The following CFB variants were observed in gnomAD, a reference collection of about 807,000 sequenced individuals.
CFB encodes the protein complement factor B, also known as B-factor, properdin.
In CFB, 59 loss-of-function variants were observed where a neutral mutation model predicts 97.2. The observed-to-expected ratio is 0.61, with a 90% CI of 0.49 to 0.75. The LOEUF is 0.75. Among genes scored for constraint, CFB ranks in the 30% least tolerant of loss-of-function variants. The pLI, the probability that CFB is intolerant of heterozygous loss-of-function variation, is 0.00. For missense variants in CFB, 771 were observed against 959.8 expected, an observed-to-expected ratio of 0.80 and a Z score of 2.60; for synonymous variants, 316 against 351.7, an observed-to-expected ratio of 0.90 and a Z score of 1.14.
In CFB at chr6:31,948,898, C is replaced by A. The variant is rs141298291; in HGVS notation, c.1105C>A (p.Pro369Thr). 1.9e-6 allele frequency: 3 copies of A among 1,612,916 alleles called. No homozygotes were observed. The highest frequency in any genetic ancestry group is 2.5e-6 in the Non-Finnish European group (3 of 1,180,006). ...LQAVYSMMSW[P>T]DDVPPEGWNR... ...GGCAGTGTACAGCATGATGAGCTGG[C>A]CAGATGACGTCCCTCCTGAAGGCTG... is the stretch of plus-strand genomic sequence containing the variant. The change falls in exon 8 of 18, where the codon CCA becomes ACA. Residue 369 changes from proline to threonine, a missense_variant. By Grantham distance (38) the Pro-to-Thr change is conservative. Coordinates refer to ENST00000425368, the MANE Select transcript of CFB (RefSeq NM_001710.6).
At position 31,947,272 on chromosome 6, in the gene CFB, C is replaced by G; in HGVS notation, c.485-76C>G. 1 of 1,611,272 alleles carries G rather than the reference C, an allele frequency of 6.2e-7. No homozygotes were observed. Among genetic ancestry groups the G allele is most frequent in the Admixed American group, 1.7e-5 (1 of 60,018 alleles). On this transcript the variant is annotated intron_variant, in intron 3 of 17. Coordinates refer to ENST00000425368, the MANE Select transcript of CFB (RefSeq NM_001710.6). The surrounding 1 kb of genome is among the most constrained non-coding windows in gnomAD (Gnocchi z 5.3). ...AGGAGTGGGCACTCGGCTCCGGACA[C>G]TGTAACTCTTGCTCTCTACCTTGCT...
At chr6:31,948,584 T>G in intron 7 of CFB, 72 bp downstream of exon 7, 2 of 1,600,566 alleles carry the variant, frequency 1.2e-6, no homozygotes, top group African/African-American at 2.7e-5. Context: ...GTCATGAGAC[T>G]ACCTTGAGGG....
In CFB at chr6:31,950,720, G is replaced by C; in HGVS notation, c.1726G>C (p.Asp576His). The C allele has an allele frequency of 6.2e-7, 1 of 1,613,056 alleles. No homozygotes were observed. Among genetic ancestry groups the C allele is most frequent in the Non-Finnish European group, 8.5e-7 (1 of 1,180,034 alleles). ...EAGIPEFYDYDVALIKLKNKL... is the reference protein window; with the variant it reads ...EAGIPEFYDYHVALIKLKNKL... ...AGGAATTCCTGAATTTTATGACTATGACGTTGCCCTGATCAAGCTCAAGAA... is the reference window on the plus strand; with the variant it reads ...AGGAATTCCTGAATTTTATGACTATCACGTTGCCCTGATCAAGCTCAAGAA... Residue 576 changes from aspartate (D) to histidine (H), a missense_variant, in exon 13 of 18, where the codon GAC (aspartate) becomes CAC (histidine). Transcript: ENST00000425368.
chr6:31,951,741 G>C lies in CFB; in HGVS notation c.2140-134G>C. On this transcript the variant is annotated intron_variant, in intron 17 of 17. Coordinates refer to ENST00000425368, the MANE Select transcript of CFB (RefSeq NM_001710.6). The surrounding 1 kb of genome is among the most constrained non-coding windows in gnomAD (Gnocchi z 4.3). ...CCTTAGGACCGCATGTCTTGCCTGCGTGTGTCAAGAACGAGGCTGAGCTGG... is the reference window on the plus strand; with the variant it reads ...CCTTAGGACCGCATGTCTTGCCTGCCTGTGTCAAGAACGAGGCTGAGCTGG... 1 of 1,560,538 alleles carries C rather than the reference G, an allele frequency of 6.4e-7. No homozygotes were observed. Among genetic ancestry groups the C allele is most frequent in the African/African-American group, 1.4e-5 (1 of 73,904 alleles).
At position 31,951,583 on chromosome 6, in the gene CFB, CAAGAG is replaced by C. The variant is rs771462434; in HGVS notation, c.2122_2126del (p.Arg708SerfsTer50). ...ATTCTGGCGGCCCCTTGATAGTTCA[CAAGAG>C]AAGTCGTTTCATTCAAGTGAGTCCT... is the stretch of plus-strand genomic sequence containing the variant. On this transcript the variant is annotated frameshift_variant, in exon 17 of 18. Coordinates refer to ENST00000425368, the MANE Select transcript of CFB (RefSeq NM_001710.6). LOFTEE classifies it high-confidence loss of function. This position sits in a 1 kb window ranked among gnomAD's most constrained non-coding sequence, Gnocchi z 4.3. 6.2e-7 allele frequency: 1 copy of C among 1,614,098 alleles called. No individual in the cohort carries two copies. The highest frequency in any genetic ancestry group is 1.3e-5 in the African/African-American group (1 of 74,920).
chr6:31,948,014 G>A lies in CFB; in HGVS notation c.830G>A (p.Gly277Glu). ...ATGAACATCTACCTGGTGCTAGATG[G>A]ATCAGACAGCATTGGGGCCAGCAAC... ...GSMNIYLVLDGSDSIGASNFT... is the reference protein window; with the variant it reads ...GSMNIYLVLDESDSIGASNFT... The change falls in exon 6 of 18, where the codon GGA becomes GAA. Residue 277 changes from glycine (G) to glutamate (E), a missense_variant. Gly to Glu is a moderately conservative substitution (Grantham distance 98, BLOSUM62 -2). Coordinates refer to ENST00000425368, the MANE Select transcript of CFB (RefSeq NM_001710.6). The A allele has an allele frequency of 6.2e-7, 1 of 1,614,164 alleles. No individual in the cohort carries two copies. Among genetic ancestry groups the A allele is most frequent in the Non-Finnish European group, 8.5e-7 (1 of 1,180,030 alleles).
In CFB at chr6:31,951,849, T is replaced by C. The variant is rs961417449; in HGVS notation, c.2140-26T>C. 6.2e-7 allele frequency: 1 copy of C among 1,613,156 alleles called. No individual in the cohort carries two copies. ...CAGGATTAGGAATTCTACTGAATGA[T>C]CCATGGCACCCCACTGCCTCTGCAG... is the stretch of plus-strand genomic sequence containing the variant. On this transcript the variant is annotated intron_variant, in intron 17 of 17. Coordinates refer to ENST00000425368, the MANE Select transcript of CFB (RefSeq NM_001710.6). This position sits in a 1 kb window ranked among gnomAD's most constrained non-coding sequence, Gnocchi z 4.3.
intron 7 of CFB, 62 bp downstream of exon 7, chr6:31,948,574 G>T (rs1771576371): frequency 6.2e-7 from 1 of 1,607,902 alleles, no homozygotes; most frequent in Non-Finnish European, 8.5e-7. Context: ...GGTGGAGGGG[G>T]TCATGAGACT....
In CFB at chr6:31,951,254, G is replaced by T; in HGVS notation, c.1956+10G>T. ...CAAGAATGGGGATAAGGTGAGAAAC[G>T]GGCATCCTAAGGAGGCACTCTAGGC... On this transcript the variant is annotated intron_variant, in intron 15 of 17. Transcript: ENST00000425368. The surrounding 1 kb of genome is among the most constrained non-coding windows in gnomAD (Gnocchi z 4.3). 1 of 1,613,140 alleles carries T rather than the reference G, an allele frequency of 6.2e-7. No individual in the cohort carries two copies. Among genetic ancestry groups the T allele is most frequent in the Non-Finnish European group, 8.5e-7 (1 of 1,179,950 alleles).
chr6:31,949,343 G>A lies in CFB; in HGVS notation c.1269G>A (p.Leu423=). 1 of 1,614,172 alleles carries A rather than the reference G, an allele frequency of 6.2e-7. No homozygotes were observed. Among genetic ancestry groups the A allele is most frequent in the Non-Finnish European group, 8.5e-7 (1 of 1,180,022 alleles). ...GCAAAAACCCAAGGGAGGATTATCT[G>A]GGTGAGTAACCTGCCTAGGACCCAG... ...KDRKNPREDY[L]DVYVFGVGPL... The change falls in exon 9 of 18, where the codon CTG becomes CTA. Residue 423 remains leucine, a splice_region_variant and synonymous_variant. Coordinates refer to ENST00000425368, the MANE Select transcript of CFB (RefSeq NM_001710.6).
chr6:31,948,088 T>C lies in CFB; in HGVS notation c.897+7T>C, dbSNP rs1327258503. The C allele has an allele frequency of 2.5e-6, 4 of 1,613,966 alleles. No individual in the cohort carries two copies. In the Middle Eastern group the frequency reaches 5.0e-4, roughly 202 times the overall value. ...AGTCAACTTAATTGAGAAGGTGGAA[T>C]CCTCCTATCCCTGAACTCGGGGGAA... On this transcript the variant is annotated splice_region_variant and intron_variant, in intron 6 of 17. Transcript: ENST00000425368.
intron 14 of CFB, 47 bp downstream of exon 14, chr6:31,950,991 A>G: frequency 6.2e-7 from 1 of 1,604,840 alleles, no homozygotes. Context: ...CCAAGAGACA[A>G]GTGGGGCATG....
At chr6:31,948,984 T>G in intron 8 of CFB, 23 bp downstream of exon 8, 1 of 1,612,788 alleles carries the variant, frequency 6.2e-7, no homozygotes, top group Non-Finnish European at 8.5e-7. Flanking sequence ...CTCTCTCCTG[T>G]CCCAGCCTCC....
At position 31,947,267 on chromosome 6, in the gene CFB, G is replaced by A. The variant is rs951364445; in HGVS notation, c.484+75G>A. 1.8e-5 allele frequency: 29 copies of A among 1,610,850 alleles called. No individual in the cohort carries two copies. Among genetic ancestry groups the A allele is most frequent in the East Asian group, 6.7e-5 (3 of 44,886 alleles). On this transcript the variant is annotated intron_variant, in intron 3 of 17. Transcript: ENST00000425368. The surrounding 1 kb of genome is among the most constrained non-coding windows in gnomAD (Gnocchi z 5.3). ...GCCCGAGGAGTGGGCACTCGGCTCCGGACACTGTAACTCTTGCTCTCTACC... is the reference window on the plus strand; with the variant it reads ...GCCCGAGGAGTGGGCACTCGGCTCCAGACACTGTAACTCTTGCTCTCTACC...
Position 31,947,271 on chromosome 6 carries a change from A to G in CFB, c.485-77A>G. The G allele has an allele frequency of 6.2e-7, 1 of 1,611,136 alleles. No individual in the cohort carries two copies. The highest frequency in any genetic ancestry group is 8.5e-7 in the Non-Finnish European group (1 of 1,179,430). ...GAGGAGTGGGCACTCGGCTCCGGAC[A>G]CTGTAACTCTTGCTCTCTACCTTGC... On this transcript the variant is annotated intron_variant, in intron 3 of 17. Transcript: ENST00000425368. The surrounding 1 kb of genome is among the most constrained non-coding windows in gnomAD (Gnocchi z 5.3).
At position 31,951,352 on chromosome 6, in the gene CFB, TGA is replaced by T. The variant is rs772068606; in HGVS notation, c.1975_1976del (p.Asp659CysfsTer8). 2 of 1,614,112 alleles carry T rather than the reference TGA, an allele frequency of 1.2e-6. No individual in the cohort carries two copies. Among genetic ancestry groups the T allele is most frequent in the Non-Finnish European group, 1.7e-6 (2 of 1,179,976 alleles). On this transcript the variant is annotated frameshift_variant, in exon 16 of 18. Transcript: ENST00000425368. LOFTEE classifies it high-confidence loss of function. This position sits in a 1 kb window ranked among gnomAD's most constrained non-coding sequence, Gnocchi z 4.3. Reference protein sequence around the residue: ...IKNGDKKGSCERDAQYAPGYD... With the variant: ...IKNGDKKGSCXRDAQYAPGYD... ...CACCTCCCCTACAGAAAGGCAGCTG[TGA>T]GAGAGATGCTCAATATGCCCCAGGC...
At position 31,948,514 on chromosome 6, in the gene CFB, T is replaced by C. The variant is rs112890929; in HGVS notation, c.1036+2T>C. On this transcript the variant is annotated splice_donor_variant, in intron 7 of 17. Transcript: ENST00000425368. LOFTEE classifies it high-confidence loss of function. ...AGCTCAATGAAATCAATTATGAAGG[T>C]CAGAGGTTAGGGAATGGTGGGAGGT... 6.2e-7 allele frequency: 1 copy of C among 1,613,932 alleles called. No individual in the cohort carries two copies.
In CFB at chr6:31,950,274, T is replaced by C. The variant is rs1771672111; in HGVS notation, c.1507-12T>C. 6.2e-7 allele frequency: 1 copy of C among 1,612,106 alleles called. No individual in the cohort carries two copies. Among genetic ancestry groups the C allele is most frequent in the Non-Finnish European group, 8.5e-7 (1 of 1,179,158 alleles). Reference sequence around the variant, plus strand: ...AAAGTTGAGCTTTCCCTCTCTACTGTTGTGTCCCCAGCGCCCTTCAAAGGG... The same window carrying C: ...AAAGTTGAGCTTTCCCTCTCTACTGCTGTGTCCCCAGCGCCCTTCAAAGGG... On this transcript the variant is annotated splice_polypyrimidine_tract_variant and intron_variant, in intron 11 of 17. Coordinates refer to ENST00000425368, the MANE Select transcript of CFB (RefSeq NM_001710.6).
Position 31,947,654 on chromosome 6 carries a change from A to G in CFB, c.659-88A>G. 1 of 1,575,768 alleles carries G rather than the reference A, an allele frequency of 6.3e-7. No homozygotes were observed. Among genetic ancestry groups the G allele is most frequent in the Non-Finnish European group, 8.7e-7 (1 of 1,146,572 alleles). Reference sequence around the variant, plus strand: ...CAACTATCTCACTTCTGAGCCTTTTATACCCTGGAAACCCATGATCCCCCG... The same window carrying G: ...CAACTATCTCACTTCTGAGCCTTTTGTACCCTGGAAACCCATGATCCCCCG... On this transcript the variant is annotated intron_variant, in intron 4 of 17. Coordinates refer to ENST00000425368, the MANE Select transcript of CFB (RefSeq NM_001710.6). This position sits in a 1 kb window ranked among gnomAD's most constrained non-coding sequence, Gnocchi z 5.3.
Sources: allele counts gnomAD v4.1 joint callset, GRCh38; gene constraint gnomAD v4.1.1; non-coding constraint Gnocchi (gnomAD v3.1); transcripts MANE v1.5; gene names NCBI Gene and HGNC (gene_info 2026-07-23, HGNC 2026-07-21).